The following BTN2A2 variants were observed in gnomAD, a reference collection of about 807,000 sequenced individuals.
BTN2A2 encodes butyrophilin 2.
BTN2A2 carries 29 observed loss-of-function variants against 34.7 expected under a neutral mutation model. That is an observed-to-expected ratio of 0.84 (90% CI 0.62 to 1.14). BTN2A2 has a LOEUF of 1.14. BTN2A2 is among the 50% of genes most tolerant of loss of function. The pLI, the probability that BTN2A2 is intolerant of heterozygous loss-of-function variation, is 0.00. For missense variants in BTN2A2, 612 were observed against 651.5 expected (o/e 0.94, Z 0.66); for synonymous variants, 240 against 253.1 (o/e 0.95, Z 0.49).
At chr6:26,389,945 G>T in intron 4 of BTN2A2, 60 bp from the exon 5 acceptor site, 2 of 1,538,034 alleles carry the variant, frequency 1.3e-6, no homozygotes, top group East Asian at 2.3e-5. Context: ...TGCTCTTAGG[G>T]GCACTCTCAT....
intron 3 of BTN2A2, among the ~76,000 whole-genome samples, chr6:26,387,292 T>C (rs1761262862): frequency 6.6e-6 from 1 of 152,184 alleles, no homozygotes; most frequent in African/African-American, 2.4e-5. Flanking sequence ...TAAACAACTG[T>C]GAATTAGAAT....
chr6:26,387,875 G>A, intron 3 of BTN2A2, 138 bp from the exon 4 acceptor site: 5 of 857,674 alleles, frequency 5.8e-6, no homozygotes, highest in Admixed American at 5.8e-5. Flanking sequence ...CTTTCTCTTT[G>A]AGATCTCACA....
At chr6:26,392,062 G>A (rs1024710382) in intron 7 of BTN2A2, 2 of 700,376 alleles carry the variant, frequency 2.9e-6, no homozygotes, top group African/African-American at 1.8e-5. Context: ...ATCTTGAATA[G>A]AAAAGGGATC....
At chr6:26,392,132 T>C in intron 7 of BTN2A2, 1 of 1,286,964 alleles carries the variant, frequency 7.8e-7, no homozygotes. Flanking sequence ...TCCTAAACTC[T>C]CTGGATTTCA....
In BTN2A2 at chr6:26,393,016, A is replaced by G. The variant is rs1476884321; in HGVS notation, c.*49A>G. 4 of 1,613,584 alleles carry G rather than the reference A, an allele frequency of 2.5e-6. No individual in the cohort carries two copies. The highest frequency in any genetic ancestry group is 2.2e-5 in the East Asian group (1 of 44,858). ...CATGCAGATAAGCCCTGGCCATCTC[A>G]GCAGCCACCGCACAACCCCCCTAAT... On this transcript the variant is annotated 3_prime_UTR_variant, in exon 8 of 8. Transcript: ENST00000356709.
chr6:26,388,378 G>A lies in BTN2A2; in HGVS notation c.724+84G>A. Reference sequence around the variant, plus strand: ...GGAGCCCAGAGCGGGAATGGGGGCAGCAGTGTGGGTGGAATGGTCCTGGGC... The same window carrying A: ...GGAGCCCAGAGCGGGAATGGGGGCAACAGTGTGGGTGGAATGGTCCTGGGC... On this transcript the variant is annotated intron_variant, in intron 4 of 7. Coordinates refer to ENST00000356709, the MANE Select transcript of BTN2A2 (RefSeq NM_006995.5). 2 of 1,514,620 alleles carry A rather than the reference G, an allele frequency of 1.3e-6. 1 individual carries two copies. Among genetic ancestry groups the A allele is most frequent in the South Asian group, 2.4e-5 (2 of 81,782 alleles). 93.8% of individuals were successfully genotyped at this position (1,514,620 alleles called of 1,614,324 possible).
chr6:26,392,974 T>C lies in BTN2A2; in HGVS notation c.*7T>C. Reference sequence around the variant, plus strand: ...GACCCACCAGAGCCTATAGAATCAATTCCTTGGACTCACAGCCATGCAGAT... The same window carrying C: ...GACCCACCAGAGCCTATAGAATCAACTCCTTGGACTCACAGCCATGCAGAT... On this transcript the variant is annotated 3_prime_UTR_variant, in exon 8 of 8. Transcript: ENST00000356709. The C allele has an allele frequency of 1.2e-6, 2 of 1,614,048 alleles. No homozygotes were observed. Among genetic ancestry groups the C allele is most frequent in the South Asian group, 1.1e-5 (1 of 91,072 alleles).
chr6:26,388,125 C>A lies in BTN2A2; in HGVS notation c.555C>A (p.Pro185=), dbSNP rs76088803. ...AGCCCCTCACAGTGTGGAGGGACCC[C>A]TACGGTGAGGTTGTGCCCGCCCTGA... ...YPEPLTVWRD[P]YGEVVPALKE... The change falls in exon 4 of 8, where the codon CCC becomes CCA. Residue 185 remains proline (P), a synonymous_variant. Coordinates refer to ENST00000356709, the MANE Select transcript of BTN2A2 (RefSeq NM_006995.5). 2 of 1,614,124 alleles carry A rather than the reference C, an allele frequency of 1.2e-6. No individual in the cohort carries two copies. The highest frequency in any genetic ancestry group is 1.7e-6 in the Non-Finnish European group (2 of 1,180,000).
chr6:26,387,993 G>A lies in BTN2A2; in HGVS notation c.443-20G>A. ...TAAGATACCACTGCCTTTTGGCTGAGCCCTGGTCTCCCTTTCCAGGCCTTG... is the reference window on the plus strand; with the variant it reads ...TAAGATACCACTGCCTTTTGGCTGAACCCTGGTCTCCCTTTCCAGGCCTTG... On this transcript the variant is annotated intron_variant, in intron 3 of 7. Coordinates refer to ENST00000356709, the MANE Select transcript of BTN2A2 (RefSeq NM_006995.5). 6.2e-7 allele frequency: 1 copy of A among 1,600,492 alleles called. No individual in the cohort carries two copies. The highest frequency in any genetic ancestry group is 8.5e-7 in the Non-Finnish European group (1 of 1,171,300).
rs148323426 is a variant in BTN2A2 at position 26,392,400 on chromosome 6, C to G, written c.1005C>G (p.Thr335=). The change falls in exon 8 of 8, where the codon ACC becomes ACG. Residue 335 remains threonine, a synonymous_variant. Transcript: ENST00000356709. The part of the protein sequence containing the change: ...HAADVVLDPD[T]AHPELFLSED... ...CTGATGTGGTCCTGGATCCAGACAC[C>G]GCTCATCCCGAGCTCTTCCTGTCAG... The G allele has an allele frequency of 1.5e-5, 24 of 1,614,030 alleles. No individual in the cohort carries two copies. Among genetic ancestry groups the G allele is most frequent in the African/African-American group, 2.7e-5 (2 of 74,924 alleles).
At chr6:26,386,408 T>C (rs1761205651) in intron 3 of BTN2A2, among the ~76,000 whole-genome samples, 1 of 152,234 alleles carries the variant, frequency 6.6e-6, no homozygotes, top group African/African-American at 2.4e-5. Context: ...TTTCAGTCCA[T>C]CAGACCAGTG....
chr6:26,388,076 G>T lies in BTN2A2; in HGVS notation c.506G>T (p.Cys169Phe). Reference sequence around the variant, plus strand: ...GAGGATGGGAGCATCTGGCTGGAGTGCATATCTGGAGGGTGGTACCCAGAG... The same window carrying T: ...GAGGATGGGAGCATCTGGCTGGAGTTCATATCTGGAGGGTGGTACCCAGAG... ...AQEDGSIWLE[C>F]ISGGWYPEPL... is the part of the protein sequence containing the mutation. The change falls in exon 4 of 8, where the codon TGC (cysteine) becomes TTC (phenylalanine). Residue 169 changes from cysteine (C) to phenylalanine (F), a missense_variant. Physicochemically the swap from Cys to Phe is radical, Grantham distance 205. Coordinates refer to ENST00000356709, the MANE Select transcript of BTN2A2 (RefSeq NM_006995.5). The T allele has an allele frequency of 1.9e-6, 3 of 1,614,114 alleles. No homozygotes were observed. Among genetic ancestry groups the T allele is most frequent in the Non-Finnish European group, 2.5e-6 (3 of 1,180,012 alleles).
chr6:26,385,227 G>A lies in BTN2A2; in HGVS notation c.307G>A (p.Val103Met). 1 of 1,614,128 alleles carries A rather than the reference G, an allele frequency of 6.2e-7. No homozygotes were observed. Among genetic ancestry groups the A allele is most frequent in the Middle Eastern group, 1.6e-4 (1 of 6,062 alleles). ...MEEYRGRITF[V>M]SKDINRGSVA... ...GGAGTACCGGGGAAGAATCACCTTT[G>A]TGAGCAAAGACATCAACAGGGGCAG... The change falls in exon 3 of 8, where the codon GTG becomes ATG. Residue 103 changes from valine (V) to methionine (M), a missense_variant. Coordinates refer to ENST00000356709, the MANE Select transcript of BTN2A2 (RefSeq NM_006995.5).
chr6:26,392,279 C>G, intron 7 of BTN2A2, 96 bp from the exon 8 acceptor site: 1 of 1,593,024 alleles, frequency 6.3e-7, no homozygotes, highest in Non-Finnish European at 8.5e-7. Flanking sequence ...CATGGGGAAC[C>G]CCCTTCAGCT....
chr6:26,394,454 G>C lies in BTN2A2; in HGVS notation c.*1487G>C. ...GTGCCCAATACAACAAAAAGGCAGAGGAAAGGCAAATTCTTCTCTCCTCTG... is the reference window on the plus strand; with the variant it reads ...GTGCCCAATACAACAAAAAGGCAGACGAAAGGCAAATTCTTCTCTCCTCTG... On this transcript the variant is annotated 3_prime_UTR_variant, in exon 8 of 8. Transcript: ENST00000356709. The C allele has an allele frequency of 1.6e-6, 1 of 623,914 alleles. No individual in the cohort carries two copies. Among genetic ancestry groups the C allele is most frequent in the Non-Finnish European group, 2.9e-6 (1 of 341,888 alleles). The allele number at this position is 623,914 out of a possible 1,614,324, so 38.6% of individuals were successfully genotyped here.
intron 3 of BTN2A2, among the ~76,000 whole-genome samples, chr6:26,386,345 T>C (rs1761201762): frequency 6.9e-6 from 1 of 145,154 alleles, no homozygotes; most frequent in Admixed American, 6.7e-5. Context: ...CTTTAAAAGG[T>C]ATATTTCAGG....
At chr6:26,391,931 G>T in intron 7 of BTN2A2, 1 of 442,572 alleles carries the variant, frequency 2.3e-6, no homozygotes. Context: ...AGTGTGTAAT[G>T]ATAGACTCAC....
Position 26,390,681 on chromosome 6 carries a change from T to G in BTN2A2, c.932-6T>G, listed in dbSNP as rs748834925. On this transcript the variant is annotated splice_region_variant and splice_polypyrimidine_tract_variant and intron_variant, in intron 5 of 7. Transcript: ENST00000356709. Reference sequence around the variant, plus strand: ...ACATGATTTTGTTTCTGTATTTTGTTTTCAGAGCAACTTCAAGAAGAATTG... The same window carrying G: ...ACATGATTTTGTTTCTGTATTTTGTGTTCAGAGCAACTTCAAGAAGAATTG... 6.8e-6 allele frequency: 11 copies of G among 1,614,160 alleles called. No homozygotes were observed. The African/African-American group carries it at 1.3e-4, about 20-fold the overall frequency.
intron 4 of BTN2A2, 120 bp from the exon 5 acceptor site, chr6:26,389,885 T>G (rs1761456047): frequency 3.2e-6 from 3 of 943,730 alleles, no homozygotes; most frequent in Non-Finnish European, 4.8e-6. Context: ...CCATCTAAGG[T>G]TTCTGAGGGA....
Sources: allele counts gnomAD v4.1 joint callset (sites outside exome capture counted in the v4.1 genomes callset), GRCh38; gene constraint gnomAD v4.1.1; transcripts MANE v1.5; gene names NCBI Gene and HGNC (gene_info 2026-07-23, HGNC 2026-07-21).